The following PTPRD variants were observed in gnomAD, a reference collection of about 807,000 sequenced individuals.
PTPRD encodes protein tyrosine phosphatase receptor type D, also known as receptor-type tyrosine-protein phosphatase delta.
A neutral mutation model predicts 214.5 loss-of-function variants in PTPRD; 34 were observed. The observed-to-expected ratio is 0.16, with a 90% CI of 0.12 to 0.21. PTPRD has a LOEUF of 0.21. Ranked by LOEUF, PTPRD falls within the 10% of genes least tolerant of loss-of-function variation. The pLI, the probability that PTPRD is intolerant of heterozygous loss-of-function variation, is 1.00. For missense variants in PTPRD, 2,545 were observed against 2,398.7 expected, an observed-to-expected ratio of 1.06 and a Z score of -1.27; for synonymous variants, 1,128 against 845.7, an observed-to-expected ratio of 1.33 and a Z score of -5.79.
At chr9:8,436,837 T>A (rs2095369776) in intron 34 of PTPRD, 148 bp from the exon 35 acceptor site, 1 of 658,244 alleles carries the variant, frequency 1.5e-6, no homozygotes, top group Non-Finnish European at 2.6e-6. Flanking sequence ...GGCAAATAGT[T>A]TGGTTACTCA....
chr9:9,134,799 T>C (rs1337898050), intron 10 of PTPRD, among the ~76,000 whole-genome samples: 1 of 148,248 alleles, frequency 6.7e-6, no homozygotes, highest in African/African-American at 2.6e-5. Flanking sequence ...ATCTGGTATT[T>C]GGAGTGCGTG....
At chr9:10,557,189 G>T (rs918922544) in intron 2 of PTPRD, among the ~76,000 whole-genome samples, 3 of 152,032 alleles carry the variant, frequency 2.0e-5, no homozygotes, top group South Asian at 4.1e-4. Context: ...AAAAACATGG[G>T]ATGGAAAGAA....
At chr9:9,567,006 T>A (rs1198891974) in intron 8 of PTPRD, among the ~76,000 whole-genome samples, 1 of 151,942 alleles carries the variant, frequency 6.6e-6, no homozygotes, top group East Asian at 1.9e-4. Flanking sequence ...GTGTGGAAAG[T>A]CCATTGCCGA....
chr9:8,330,737 C>G (rs1238545106), intron 44 of PTPRD, among the ~76,000 whole-genome samples: 3 of 152,070 alleles, frequency 2.0e-5, no homozygotes, highest in Non-Finnish European at 4.4e-5. Flanking sequence ...GCTATCTTAG[C>G]CCAAGTCTAA....
chr9:9,453,987 T>G (rs944178448), intron 8 of PTPRD, among the ~76,000 whole-genome samples: 1 of 151,814 alleles, frequency 6.6e-6, no homozygotes, highest in Non-Finnish European at 1.5e-5. Flanking sequence ...CATATTTCCA[T>G]GTCATCCTCT....
intron 30 of PTPRD, among the ~76,000 whole-genome samples, chr9:8,480,140 T>C (rs1187204225): frequency 1.3e-5 from 2 of 152,198 alleles, no homozygotes; most frequent in East Asian, 3.8e-4. Flanking sequence ...GTGTATAGAA[T>C]ATATATTTGT....
At chr9:9,145,284 G>A (rs1200347202) in intron 10 of PTPRD, among the ~76,000 whole-genome samples, 2 of 152,090 alleles carry the variant, frequency 1.3e-5, no homozygotes, top group South Asian at 2.1e-4. Context: ...TTATCTTTGG[G>A]ACCACTGCTA....
At chr9:10,134,267 C>A (rs1201444659) in intron 3 of PTPRD, among the ~76,000 whole-genome samples, 1 of 152,094 alleles carries the variant, frequency 6.6e-6, no homozygotes, top group Non-Finnish European at 1.5e-5. Flanking sequence ...CTGGCTGCCC[C>A]CAAGGGAGAA....
At chr9:8,437,188 G>T in intron 34 of PTPRD, 1 of 1,521,182 alleles carries the variant, frequency 6.6e-7, no homozygotes, top group Non-Finnish European at 8.8e-7. Context: ...CATAATCAAG[G>T]AAAACTAACT....
chr9:10,008,525 T>C (rs1467352126), intron 4 of PTPRD, among the ~76,000 whole-genome samples: 1 of 152,042 alleles, frequency 6.6e-6, no homozygotes, highest in African/African-American at 2.4e-5. Flanking sequence ...CATGCATGTT[T>C]GCTTAGCATG....
At chr9:8,373,157 T>A (rs1286602761) in intron 39 of PTPRD, among the ~76,000 whole-genome samples, 1 of 151,998 alleles carries the variant, frequency 6.6e-6, no homozygotes, top group Non-Finnish European at 1.5e-5. Flanking sequence ...AACTAGCATT[T>A]CTGGGATGCT....
At chr9:10,504,600 T>C (rs1283369292) in intron 2 of PTPRD, among the ~76,000 whole-genome samples, 1 of 152,158 alleles carries the variant, frequency 6.6e-6, no homozygotes, top group Non-Finnish European at 1.5e-5. Flanking sequence ...ACTTTGATTT[T>C]ACATAGCAAC....
At chr9:10,465,373 G>A (rs1291772847) in intron 2 of PTPRD, among the ~76,000 whole-genome samples, 1 of 152,072 alleles carries the variant, frequency 6.6e-6, no homozygotes, top group Non-Finnish European at 1.5e-5. Flanking sequence ...CCAAGTAGAT[G>A]CAAATAAATG....
chr9:8,732,355 G>T (rs1056050396), intron 12 of PTPRD, among the ~76,000 whole-genome samples: 1 of 152,154 alleles, frequency 6.6e-6, no homozygotes, highest in East Asian at 1.9e-4. Context: ...GGCTCCCAGG[G>T]TCTAAATGGG....
intron 9 of PTPRD, among the ~76,000 whole-genome samples, chr9:9,243,251 A>T (rs1050704571): frequency 1.3e-5 from 2 of 152,130 alleles, no homozygotes; most frequent in African/African-American, 2.4e-5. Flanking sequence ...AAACTATTAC[A>T]ATCAATAGAA....
At chr9:8,489,856 A>G (rs2097113513) in intron 27 of PTPRD, among the ~76,000 whole-genome samples, 2 of 152,230 alleles carry the variant, frequency 1.3e-5, no homozygotes, top group South Asian at 4.1e-4. Context: ...TCAAACATTT[A>G]CCAACAATTC....
intron 12 of PTPRD, among the ~76,000 whole-genome samples, chr9:8,717,344 A>T (rs1054770130): frequency 6.6e-6 from 1 of 152,272 alleles, no homozygotes; most frequent in Admixed American, 6.5e-5. Flanking sequence ...TCTATGACTC[A>T]TCAAGCACTT....
intron 2 of PTPRD, among the ~76,000 whole-genome samples, chr9:10,504,890 G>C (rs1189613450): frequency 6.6e-6 from 1 of 152,128 alleles, no homozygotes; most frequent in Non-Finnish European, 1.5e-5. Flanking sequence ...GCACCTGTCT[G>C]TTAATGTTAA....
chr9:8,427,341 C>T (rs1249972458), intron 35 of PTPRD, among the ~76,000 whole-genome samples: 6 of 152,146 alleles, frequency 3.9e-5, no homozygotes, highest in African/African-American at 1.4e-4. Context: ...CAGCTCTTTA[C>T]AGCAGGACAC....
Sources: allele counts gnomAD v4.1 joint callset (sites outside exome capture counted in the v4.1 genomes callset), GRCh38; gene constraint gnomAD v4.1.1; transcripts MANE v1.5; gene names NCBI Gene and HGNC (gene_info 2026-07-23, HGNC 2026-07-21).